Variants in ROBO2 observed in about 807,000 individuals in gnomAD.
ROBO2 encodes the protein roundabout guidance receptor 2.
ROBO2 carries 53 observed loss-of-function variants against 160.8 expected under a neutral mutation model. That is an observed-to-expected ratio of 0.33 (90% CI 0.26 to 0.41). The LOEUF is 0.41. Among genes scored for constraint, ROBO2 ranks in the 10% least tolerant of loss-of-function variants. The pLI, the probability that ROBO2 is intolerant of heterozygous loss-of-function variation, is 1.00. For synonymous variants in ROBO2, 664 were observed against 611.7 expected, an observed-to-expected ratio of 1.09 and a Z score of -1.26; for missense variants, 1,577 against 1,722.4, an observed-to-expected ratio of 0.92 and a Z score of 1.49.
At chr3:76,869,341 T>TG (rs1491258810) in intron 2 of ROBO2, among the ~76,000 whole-genome samples, 21 of 120,994 alleles carry the variant, frequency 1.7e-4, no homozygotes, top group African/African-American at 7.2e-4. Context: ...TAGAAATTGA[T>TG]GTTTTTTTTT....
chr3:76,566,180 C>T (rs1301993800), intron 2 of ROBO2, among the ~76,000 whole-genome samples: 1 of 152,204 alleles, frequency 6.6e-6, no homozygotes, highest in East Asian at 1.9e-4. Flanking sequence ...AAGGGACCTT[C>T]TAAAGGAATG....
At chr3:76,362,809 C>T (rs2075598007) in intron 2 of ROBO2, among the ~76,000 whole-genome samples, 2 of 152,014 alleles carry the variant, frequency 1.3e-5, no homozygotes, top group African/African-American at 2.4e-5. Flanking sequence ...AGTGAGGAAG[C>T]GTCCTTCCAA....
At position 76,836,654 on chromosome 3, in the gene ROBO2, T is replaced by C. The variant is rs564459906; in HGVS notation, c.110-261360T>C. Among the ~76,000 whole-genome samples the C allele has an allele frequency of 3.9e-5, 6 of 151,964 alleles. No homozygotes were observed. The South Asian group carries it at 1.2e-3, about 32-fold the overall frequency. ...TTGACCCATGGATTTTTTAGAAGTA[T>C]CTTATTTAATTTTCAAATATTTGGG... On this transcript the variant is annotated intron_variant, in intron 2 of 26. Transcript: ENST00000487694.
chr3:77,276,960 G>A (rs889094954), intron 2 of ROBO2, among the ~76,000 whole-genome samples: 4 of 152,078 alleles, frequency 2.6e-5, no homozygotes, highest in Non-Finnish European at 5.9e-5. Context: ...AACTGCCCTC[G>A]TGATTGAATT....
intron 2 of ROBO2, among the ~76,000 whole-genome samples, chr3:76,328,908 TTA>T (rs201466987): frequency 0.1 from 13,759 of 135,860 alleles, 725 homozygotes; most frequent in African/African-American, 0.15. Flanking sequence ...ATTTATGTTA[TTA>T]TATATATATA....
intron 1 of ROBO2, among the ~76,000 whole-genome samples, chr3:77,071,204 T>A (rs2067374841): frequency 6.6e-6 from 1 of 152,182 alleles, no homozygotes. Context: ...GCATTCTCTT[T>A]CTAAGAAGGA....
intron 2 of ROBO2, among the ~76,000 whole-genome samples, chr3:76,981,892 C>A (rs1307411963): frequency 6.6e-6 from 1 of 152,026 alleles, no homozygotes; most frequent in African/African-American, 2.4e-5. Flanking sequence ...AAATGACCAG[C>A]TCTCCCCAGA....
intron 2 of ROBO2, among the ~76,000 whole-genome samples, chr3:76,567,826 G>A (rs1380282817): frequency 7.4e-6 from 1 of 135,514 alleles, no homozygotes; most frequent in East Asian, 2.1e-4. Flanking sequence ...TTTTTTTTGG[G>A]GGGGGTTGGA....
intron 2 of ROBO2, among the ~76,000 whole-genome samples, chr3:77,250,465 C>T (rs533506796): frequency 9.9e-5 from 15 of 152,214 alleles, no homozygotes; most frequent in East Asian, 1.9e-4. Context: ...GCTGGCGAGA[C>T]GTTGTTAGGT....
At chr3:76,643,667 CCT>C (rs1491070739) in intron 2 of ROBO2, among the ~76,000 whole-genome samples, 17 of 122,290 alleles carry the variant, frequency 1.4e-4, no homozygotes, top group South Asian at 2.9e-4. Flanking sequence ...TATGTCTACC[CCT>C]GTTTCTGCTC....
intron 2 of ROBO2, among the ~76,000 whole-genome samples, chr3:76,515,153 G>A (rs1202780068): frequency 1.3e-5 from 2 of 152,100 alleles, no homozygotes; most frequent in Non-Finnish European, 2.9e-5. Context: ...AGTTTGAGAT[G>A]TTTAAATAAG....
intron 2 of ROBO2, among the ~76,000 whole-genome samples, chr3:76,148,184 C>T (rs991969588): frequency 2.0e-5 from 3 of 151,972 alleles, no homozygotes; most frequent in African/African-American, 4.8e-5. Context: ...TCTGACTTAA[C>T]TGAGAGGATG....
chr3:76,465,442 C>G (rs1444276092), intron 2 of ROBO2, among the ~76,000 whole-genome samples: 1 of 151,934 alleles, frequency 6.6e-6, no homozygotes, highest in African/African-American at 2.4e-5. Flanking sequence ...TATACCCACC[C>G]ATCCCATAAG....
At chr3:76,101,697 C>G (rs1200158026) in intron 2 of ROBO2, among the ~76,000 whole-genome samples, 2 of 136,344 alleles carry the variant, frequency 1.5e-5, no homozygotes, top group Admixed American at 1.4e-4. Flanking sequence ...TCCCTCCCCC[C>G]TCCCCCCACC....
chr3:76,255,433 C>T (rs1706293281), intron 2 of ROBO2, among the ~76,000 whole-genome samples: 1 of 152,052 alleles, frequency 6.6e-6, no homozygotes, highest in African/African-American at 2.4e-5. Context: ...ATGACACTTG[C>T]TCTGCTCTTT....
intron 5 of ROBO2, among the ~76,000 whole-genome samples, chr3:77,503,904 G>GT (rs1351422388): frequency 6.6e-6 from 1 of 152,198 alleles, no homozygotes; most frequent in Non-Finnish European, 1.5e-5. Context: ...CTTTGTTAGT[G>GT]TATGAAGGAG....
chr3:76,224,941 A>G (rs1451631109), intron 2 of ROBO2, among the ~76,000 whole-genome samples: 3 of 152,226 alleles, frequency 2.0e-5, no homozygotes, highest in Non-Finnish European at 4.4e-5. Context: ...TAGAGTCACT[A>G]ATACACTTAA....
chr3:76,167,077 A>T (rs866989070), intron 2 of ROBO2, among the ~76,000 whole-genome samples: 1 of 152,014 alleles, frequency 6.6e-6, no homozygotes, highest in Non-Finnish European at 1.5e-5. Flanking sequence ...AGTAGCTTGG[A>T]TTACAGGTCT....
intron 2 of ROBO2, among the ~76,000 whole-genome samples, chr3:76,368,047 A>T (rs954923625): frequency 9.9e-5 from 15 of 152,092 alleles, no homozygotes; most frequent in African/African-American, 3.6e-4. Flanking sequence ...TGTTTAAAAT[A>T]AAATAGTCAT....
Sources: allele counts gnomAD v4.1 joint callset (sites outside exome capture counted in the v4.1 genomes callset), GRCh38; gene constraint gnomAD v4.1.1; transcripts MANE v1.5; gene names NCBI Gene and HGNC (gene_info 2026-07-23, HGNC 2026-07-21).